Variants in FRY observed in about 807,000 individuals in gnomAD.
The protein encoded by FRY is FRY microtubule binding protein.
A neutral mutation model predicts 348.4 loss-of-function variants in FRY; 128 were observed. The ratio of observed to expected loss-of-function variants is 0.37; its 90% confidence interval spans 0.32 to 0.43. FRY has a LOEUF of 0.43. Among genes scored for constraint, FRY ranks in the 20% least tolerant of loss-of-function variants. The pLI is 1.00. For missense variants in FRY, 2,736 were observed against 3,695.2 expected (o/e 0.74, Z 6.73); for synonymous variants, 1,370 against 1,374.7 (o/e 1.00, Z 0.08).
intron 1 of FRY, among the ~76,000 whole-genome samples, chr13:32,075,799 C>T (rs1364636742): frequency 6.6e-6 from 1 of 152,138 alleles, no homozygotes; most frequent in Non-Finnish European, 1.5e-5. Context: ...AGTACACTTA[C>T]CCCATTAACT....
rs909126239 is a variant in FRY at position 32,218,783 on chromosome 13, G to A, written c.4717G>A (p.Glu1573Lys). The A allele has an allele frequency of 8.7e-6, 14 of 1,607,202 alleles. No individual in the cohort carries two copies. Among genetic ancestry groups the A allele is most frequent in the African/African-American group, 1.3e-5 (1 of 74,650 alleles). Residue 1573 changes from glutamate to lysine, a missense_variant, in exon 36 of 61, where the codon GAG (glutamate) becomes AAG (lysine). Physicochemically the swap from Glu to Lys is moderately conservative, Grantham distance 56. Coordinates refer to ENST00000542859, the MANE Select transcript of FRY (RefSeq NM_023037.3). Reference sequence around the variant, plus strand: ...TGTCATCAGAGCCCACACTCGCCTCGAGTCAAGATACAGCAATAGCTCTGG... The same window carrying A: ...TGTCATCAGAGCCCACACTCGCCTCAAGTCAAGATACAGCAATAGCTCTGG... ...SNVIRAHTRL[E>K]SRYSNSSGGS...
chr13:32,140,931 A>G (rs1593659669), intron 11 of FRY, among the ~76,000 whole-genome samples: 1 of 152,324 alleles, frequency 6.6e-6, no homozygotes, highest in African/African-American at 2.4e-5. Context: ...ATTAAAATAT[A>G]TGGCATTTAT....
Position 32,156,453 on chromosome 13 carries a change from T to A in FRY, c.1651+791T>A, listed in dbSNP as rs145999821. On this transcript the variant is annotated intron_variant, in intron 15 of 60. Transcript: ENST00000542859. ...CCTGTCTCTACTAAAAATACAAAAT[T>A]AGCTGGGCATGGTGGTGTATGCCTG... Among the ~76,000 whole-genome samples, 482 of 152,084 alleles carry A rather than the reference T, an allele frequency of 3.2e-3. 3 individuals are homozygous for A. Among genetic ancestry groups the A allele is most frequent in the African/African-American group, 0.011 (474 of 41,486 alleles).
At chr13:32,145,720 A>G (rs1880398465) in intron 11 of FRY, among the ~76,000 whole-genome samples, 1 of 149,248 alleles carries the variant, frequency 6.7e-6, no homozygotes, top group African/African-American at 2.5e-5. Flanking sequence ...AATTTTTTGT[A>G]TTTTTAGTAG....
At chr13:32,169,319 T>C (rs1323714811) in intron 17 of FRY, among the ~76,000 whole-genome samples, 1 of 152,218 alleles carries the variant, frequency 6.6e-6, no homozygotes, top group Non-Finnish European at 1.5e-5. Context: ...TCTTTCCCTA[T>C]AACTTTCAGG....
intron 50 of FRY, among the ~76,000 whole-genome samples, chr13:32,252,854 C>T (rs1007465898): frequency 6.6e-6 from 1 of 152,052 alleles, no homozygotes; most frequent in Admixed American, 6.5e-5. Flanking sequence ...ATTTAAGTCA[C>T]TTTTTTGGTG....
At chr13:32,122,529 A>T (rs1178171304) in intron 4 of FRY, among the ~76,000 whole-genome samples, 1 of 152,142 alleles carries the variant, frequency 6.6e-6, no homozygotes, top group Non-Finnish European at 1.5e-5. Flanking sequence ...CATACAAGGG[A>T]CATAACTTAA....
chr13:32,251,518 A>G (rs1267014148), intron 49 of FRY, among the ~76,000 whole-genome samples: 1 of 151,660 alleles, frequency 6.6e-6, no homozygotes, highest in Admixed American at 6.6e-5. Context: ...ATTTTCACAT[A>G]CACACATATA....
At chr13:32,288,283 C>T (rs1889172821) in intron 58 of FRY, among the ~76,000 whole-genome samples, 1 of 152,146 alleles carries the variant, frequency 6.6e-6, no homozygotes, top group African/African-American at 2.4e-5. Context: ...TAAAGAGAAG[C>T]TTAAAAACCA....
At chr13:32,094,983 C>T (rs1164745309) in intron 2 of FRY, among the ~76,000 whole-genome samples, 1 of 152,170 alleles carries the variant, frequency 6.6e-6, no homozygotes, top group African/African-American at 2.4e-5. Context: ...TATGAAGGTT[C>T]CCTTTTCTCC....
intron 28 of FRY, among the ~76,000 whole-genome samples, chr13:32,189,301 A>T (rs1277117905): frequency 6.6e-6 from 1 of 152,126 alleles, no homozygotes; most frequent in Non-Finnish European, 1.5e-5. Context: ...CAGACATGTT[A>T]TAACAAGTTA....
chr13:32,285,905 G>GT (rs1438814963), intron 58 of FRY, among the ~76,000 whole-genome samples: 1 of 152,174 alleles, frequency 6.6e-6, no homozygotes, highest in Admixed American at 6.5e-5. Context: ...TAGATGTAAA[G>GT]TTTTCTTGAG....
rs1265944773 is a variant in FRY at position 32,187,592 on chromosome 13, G to A, written c.3527G>A (p.Gly1176Asp). The A allele has an allele frequency of 6.2e-7, 1 of 1,612,818 alleles. No individual in the cohort carries two copies. Among genetic ancestry groups the A allele is most frequent in the African/African-American group, 1.3e-5 (1 of 74,880 alleles). ...LCCGPVFDNV[G>D]LSPDGYLYKW... ...TGTGGCCCTGTCTTTGACAATGTGG[G>A]CCTTTCCCCAGATGGCTACCTATAT... is the stretch of plus-strand genomic sequence containing the variant. The change falls in exon 28 of 61, where the codon GGC (glycine) becomes GAC (aspartate). Residue 1176 changes from glycine to aspartate, a missense_variant. Coordinates refer to ENST00000542859, the MANE Select transcript of FRY (RefSeq NM_023037.3).
intron 1 of FRY, among the ~76,000 whole-genome samples, chr13:32,069,341 A>T (rs1402085490): frequency 6.6e-6 from 1 of 152,170 alleles, no homozygotes; most frequent in Non-Finnish European, 1.5e-5. Flanking sequence ...AGGATATATT[A>T]GTCTTTCCGG....
intron 3 of FRY, among the ~76,000 whole-genome samples, chr13:32,111,988 A>G (rs1877997057): frequency 6.6e-6 from 1 of 152,188 alleles, no homozygotes; most frequent in African/African-American, 2.4e-5. Context: ...AAGCATTTGC[A>G]AGGCGCCAGG....
chr13:32,077,488 G>A (rs1171188148), intron 1 of FRY, among the ~76,000 whole-genome samples: 1 of 152,142 alleles, frequency 6.6e-6, no homozygotes, highest in Non-Finnish European at 1.5e-5. Flanking sequence ...AGTGGTAGCT[G>A]AGATCTGGAA....
At chr13:32,273,544 G>T (rs1338849787) in intron 55 of FRY, among the ~76,000 whole-genome samples, 1 of 152,070 alleles carries the variant, frequency 6.6e-6, no homozygotes, top group Admixed American at 6.5e-5. Flanking sequence ...ACCTCAGATT[G>T]TTCATCCGGT....
chr13:32,046,689 G>A (rs536469520), intron 1 of FRY, among the ~76,000 whole-genome samples: 1 of 152,312 alleles, frequency 6.6e-6, no homozygotes, highest in African/African-American at 2.4e-5. Flanking sequence ...CATGTAAGGA[G>A]AGGTTCAATA....
At chr13:32,175,762 T>C in intron 20 of FRY, 130 bp downstream of exon 20, 1 of 685,546 alleles carries the variant, frequency 1.5e-6, no homozygotes. Context: ...AAGGTACTTA[T>C]GAAGATAAGA....
Sources: allele counts gnomAD v4.1 joint callset (sites outside exome capture counted in the v4.1 genomes callset), GRCh38; gene constraint gnomAD v4.1.1; transcripts MANE v1.5; gene names NCBI Gene and HGNC (gene_info 2026-07-23, HGNC 2026-07-21).